Variants in ROBO1 observed in about 807,000 individuals in gnomAD.
ROBO1 encodes roundabout guidance receptor 1.
A neutral mutation model predicts 195.9 loss-of-function variants in ROBO1; 149 were observed. The observed-to-expected ratio is 0.76, with a 90% CI of 0.67 to 0.87. The LOEUF (loss-of-function observed/expected upper bound fraction) is 0.87, where lower values mean the gene tolerates loss of function less well. ROBO1 is among the 40% of genes least tolerant of loss of function. The pLI is 0.00. For synonymous variants in ROBO1, 816 were observed against 733.2 expected (o/e 1.11, Z -1.82); for missense variants, 1,933 against 2,068.3 (o/e 0.93, Z 1.27).
chr3:79,747,202 G>A (rs1298695464), intron 1 of ROBO1, among the ~76,000 whole-genome samples: 1 of 151,986 alleles, frequency 6.6e-6, no homozygotes, highest in Non-Finnish European at 1.5e-5. Flanking sequence ...AAAATGCAAT[G>A]CACTCAGGGA....
intron 2 of ROBO1, among the ~76,000 whole-genome samples, chr3:79,193,385 G>A (rs79976203): frequency 5.9e-5 from 9 of 151,650 alleles, no homozygotes; most frequent in Non-Finnish European, 8.9e-5. Flanking sequence ...ATGACCTCAT[G>A]AAATAGTCAT....
At chr3:79,684,223 T>A (rs996543859) in intron 1 of ROBO1, among the ~76,000 whole-genome samples, 5 of 152,214 alleles carry the variant, frequency 3.3e-5, no homozygotes, top group African/African-American at 1.2e-4. Context: ...TCTTTTCAAA[T>A]GCACATTGAG....
chr3:79,765,891 C>G (rs1704958216), intron 1 of ROBO1, among the ~76,000 whole-genome samples: 1 of 152,138 alleles, frequency 6.6e-6, no homozygotes, highest in Non-Finnish European at 1.5e-5. Flanking sequence ...TAAACAACCT[C>G]CCACCACTAC....
intron 2 of ROBO1, among the ~76,000 whole-genome samples, chr3:79,528,694 C>G (rs1400995778): frequency 1.3e-5 from 2 of 152,134 alleles, no homozygotes; most frequent in African/African-American, 4.8e-5. Flanking sequence ...GACCAAATGG[C>G]AAGGCTTAAA....
At chr3:79,396,866 T>A (rs548535804) in intron 2 of ROBO1, among the ~76,000 whole-genome samples, 1 of 152,252 alleles carries the variant, frequency 6.6e-6, no homozygotes, top group South Asian at 2.1e-4. Flanking sequence ...TTTCTAAAAT[T>A]TAAAAACTTT....
At chr3:79,582,983 C>G (rs1443795865) in intron 2 of ROBO1, among the ~76,000 whole-genome samples, 1 of 151,900 alleles carries the variant, frequency 6.6e-6, no homozygotes, top group Non-Finnish European at 1.5e-5. Context: ...TTATTATCTG[C>G]TTGTTTACAA....
At chr3:78,660,876 TA>T in intron 16 of ROBO1, 153 bp downstream of exon 16, 2 of 622,288 alleles carry the variant, frequency 3.2e-6, no homozygotes, top group Non-Finnish European at 5.3e-6. Context: ...TCTAGTTTTC[TA>T]AATAAACAAA....
intron 2 of ROBO1, among the ~76,000 whole-genome samples, chr3:79,550,371 T>C (rs1942465290): frequency 6.6e-6 from 1 of 152,136 alleles, no homozygotes; most frequent in Non-Finnish European, 1.5e-5. Flanking sequence ...GCTATCACTC[T>C]TACCAGCCAT....
At chr3:79,571,592 T>C (rs1053105681) in intron 2 of ROBO1, among the ~76,000 whole-genome samples, 1 of 152,122 alleles carries the variant, frequency 6.6e-6, no homozygotes, top group African/African-American at 2.4e-5. Flanking sequence ...ACAAAAACTA[T>C]TACTGCTTCT....
intron 2 of ROBO1, among the ~76,000 whole-genome samples, chr3:79,421,333 A>G (rs1439940780): frequency 1.3e-5 from 2 of 152,010 alleles, no homozygotes; most frequent in Non-Finnish European, 2.9e-5. Context: ...CACACAACTT[A>G]TCTATACAAC....
chr3:79,428,694 A>G (rs556732000), intron 2 of ROBO1, among the ~76,000 whole-genome samples: 5 of 152,174 alleles, frequency 3.3e-5, no homozygotes, highest in Non-Finnish European at 7.3e-5. Flanking sequence ...AGCTTTATTC[A>G]TAATCACCTC....
intron 2 of ROBO1, among the ~76,000 whole-genome samples, chr3:79,369,173 T>C (rs1344749659): frequency 6.6e-6 from 1 of 152,192 alleles, no homozygotes; most frequent in Non-Finnish European, 1.5e-5. Context: ...CCAGTAGGAC[T>C]GGTGAATTTT....
At chr3:79,600,118 A>G (rs1944296735) in intron 1 of ROBO1, among the ~76,000 whole-genome samples, 1 of 151,962 alleles carries the variant, frequency 6.6e-6, no homozygotes. Flanking sequence ...CTTCAATCAT[A>G]TTGTTCATTT....
At chr3:79,162,590 A>G (rs2080989199) in intron 2 of ROBO1, among the ~76,000 whole-genome samples, 1 of 152,142 alleles carries the variant, frequency 6.6e-6, no homozygotes, top group African/African-American at 2.4e-5. Context: ...GTAACTTGTT[A>G]AGGGTTTTAG....
At position 79,593,597 on chromosome 3, in the gene ROBO1, A is replaced by G. The variant is rs1377646048; in HGVS notation, c.-50-3636T>C. On this transcript the variant is annotated intron_variant, in intron 1 of 30. Transcript: ENST00000464233. ...AGTCTTTTTTCTCATTGTTGAGTTT[A>G]AGAATTTTTTTTTTGCTTGCTTTTG... is the stretch of plus-strand genomic sequence containing the variant. 2.8e-5 allele frequency among the ~76,000 whole-genome samples: 4 copies of G among 143,800 alleles called. No homozygotes were observed. In the East Asian group the frequency reaches 7.8e-4, roughly 28 times the overall value. The allele number at this position is 143,800 out of a possible 152,430, so 94.3% of individuals were successfully genotyped here.
At chr3:78,974,320 C>T (rs2076838366) in intron 3 of ROBO1, among the ~76,000 whole-genome samples, 1 of 151,604 alleles carries the variant, frequency 6.6e-6, no homozygotes, top group African/African-American at 2.4e-5. Context: ...GAACTTTAGA[C>T]TTAGGAAATT....
chr3:79,551,980 TAAAAAAAAAAAAAA>T (rs771824432), intron 2 of ROBO1, among the ~76,000 whole-genome samples: 2 of 44,222 alleles, frequency 4.5e-5, no homozygotes, highest in African/African-American at 9.2e-5. Context: ...TCTACAGAGT[TAAAAAAAAAAAAAA>T]AAAAAAAAAA....
intron 3 of ROBO1, among the ~76,000 whole-genome samples, chr3:78,973,481 T>A (rs1473080700): frequency 1.4e-5 from 2 of 145,612 alleles, no homozygotes; most frequent in Non-Finnish European, 3.0e-5. Context: ...TATATATATA[T>A]TATATATATA....
chr3:78,889,891 C>T (rs1055294427), intron 4 of ROBO1, among the ~76,000 whole-genome samples: 4 of 151,978 alleles, frequency 2.6e-5, no homozygotes, highest in Non-Finnish European at 5.9e-5. Flanking sequence ...CAATACTCGC[C>T]GTTGCTCTTC....
Sources: allele counts gnomAD v4.1 joint callset (sites outside exome capture counted in the v4.1 genomes callset), GRCh38; gene constraint gnomAD v4.1.1; transcripts MANE v1.5; gene names NCBI Gene and HGNC (gene_info 2026-07-23, HGNC 2026-07-21).